ZMYND8: variants seen among roughly 807,000 people sequenced by gnomAD.
ZMYND8 encodes MYND-type zinc finger-containing chromatin reader ZMYND8.
Under a neutral mutation model 140.8 loss-of-function variants are expected in ZMYND8, and 37 were observed. The ratio of observed to expected loss-of-function variants is 0.26; its 90% confidence interval spans 0.20 to 0.35. ZMYND8 has a LOEUF of 0.35. ZMYND8 is among the 10% of genes least tolerant of loss of function. The probability of loss-of-function intolerance (pLI) is 1.00; values close to 1 mark genes in which losing one functional copy is unlikely to be tolerated. For synonymous variants in ZMYND8, 592 were observed against 597.1 expected (o/e 0.99, Z 0.12); for missense variants, 1,068 against 1,570.0 (o/e 0.68, Z 5.40).
chr20:47,317,033 A>G (rs1316953718), intron 2 of ZMYND8, among the ~76,000 whole-genome samples: 3 of 152,132 alleles, frequency 2.0e-5, no homozygotes, highest in Non-Finnish European at 4.4e-5. Context: ...TCTGTACCAC[A>G]TGGCCTTGTA....
Position 47,282,073 on chromosome 20 carries a change from C to A in ZMYND8, c.998+29G>T, listed in dbSNP as rs760288130. 4 of 1,580,246 alleles carry A rather than the reference C, an allele frequency of 2.5e-6. No homozygotes were observed. In the East Asian group the frequency reaches 9.0e-5, roughly 35 times the overall value. Reference sequence around the variant, plus strand: ...CAGTATCAAAGTTCAGTGAAAGCTACATGTTCCAAGCCTGTTATTAACTCC... The same window carrying A: ...CAGTATCAAAGTTCAGTGAAAGCTAAATGTTCCAAGCCTGTTATTAACTCC... On this transcript the variant is annotated intron_variant, in intron 10 of 22. Coordinates refer to ENST00000471951, the MANE Select transcript of ZMYND8 (RefSeq NM_001281775.3).
Position 47,351,647 on chromosome 20 carries a change from A to G in ZMYND8, c.15-3721T>C, listed in dbSNP as rs529443020. The G allele has an allele frequency of 2.2e-5, 22 of 983,492 alleles. No individual in the cohort carries two copies. In the East Asian group the frequency reaches 2.4e-3, roughly 107 times the overall value. 60.9% of individuals were successfully genotyped at this position (983,492 alleles called of 1,614,324 possible). Reference sequence around the variant, plus strand: ...ACCATGCTTCCCTAAATCTACAATTAATTTTTTAAGAAATTGGGGTGGGGG... The same window carrying G: ...ACCATGCTTCCCTAAATCTACAATTGATTTTTTAAGAAATTGGGGTGGGGG... On this transcript the variant is annotated intron_variant, in intron 1 of 22. Transcript: ENST00000471951.
chr20:47,258,985 G>A (rs898838858), intron 12 of ZMYND8, among the ~76,000 whole-genome samples: 12 of 151,638 alleles, frequency 7.9e-5, no homozygotes, highest in African/African-American at 1.5e-4. Flanking sequence ...AGAGGGCCTC[G>A]GTTCCCCTGG....
chr20:47,306,571 G>C (rs1175237163), intron 3 of ZMYND8, among the ~76,000 whole-genome samples: 4 of 140,070 alleles, frequency 2.9e-5, no homozygotes, highest in Admixed American at 2.8e-4. Context: ...TGGATTATTT[G>C]CCTTTTTTTT....
intron 3 of ZMYND8, among the ~76,000 whole-genome samples, chr20:47,303,230 T>C (rs1048544595): frequency 7.2e-5 from 11 of 152,208 alleles, no homozygotes; most frequent in South Asian, 4.1e-4. Flanking sequence ...GGAACTCCTG[T>C]TGAAAGATAA....
chr20:47,316,381 T>C (rs1182560669), intron 2 of ZMYND8, among the ~76,000 whole-genome samples: 1 of 150,974 alleles, frequency 6.6e-6, no homozygotes, highest in African/African-American at 2.4e-5. Context: ...TTCCCAAGCC[T>C]GTGATCCACC....
At chr20:47,239,204 T>C in intron 14 of ZMYND8, 66 bp from the exon 15 acceptor site, 4 of 1,459,904 alleles carry the variant, frequency 2.7e-6, no homozygotes, top group Non-Finnish European at 3.6e-6. Flanking sequence ...TGCACGGTCT[T>C]GACGCCACCA....
chr20:47,258,878 C>A lies in ZMYND8; in HGVS notation c.1621+3410G>T, dbSNP rs113012861. ...CCTCTTCCCGTTAGGTCATTGCAAT[C>A]CCAGCCCACAAAACGCCCACATTCC... On this transcript the variant is annotated intron_variant, in intron 12 of 22. Transcript: ENST00000471951. Among the ~76,000 whole-genome samples, 562 of 152,250 alleles carry A rather than the reference C, an allele frequency of 3.7e-3. 1 individual carries two copies. The highest frequency in any genetic ancestry group is 8.8e-3 in the Admixed American group (134 of 15,286).
chr20:47,346,142 A>G (rs1412104895), intron 2 of ZMYND8, among the ~76,000 whole-genome samples: 1 of 152,132 alleles, frequency 6.6e-6, no homozygotes, highest in African/African-American at 2.4e-5. Flanking sequence ...GGGGAAGGTA[A>G]GCAGCAGAAC....
intron 2 of ZMYND8, among the ~76,000 whole-genome samples, chr20:47,343,300 A>C (rs2082060457): frequency 6.6e-6 from 1 of 152,112 alleles, no homozygotes; most frequent in Admixed American, 6.5e-5. Context: ...CAAATAAATA[A>C]ACCCCACAAC....
At chr20:47,285,268 T>C (rs1601595152) in intron 8 of ZMYND8, among the ~76,000 whole-genome samples, 1 of 152,358 alleles carries the variant, frequency 6.6e-6, no homozygotes, top group East Asian at 1.9e-4. Flanking sequence ...TCTTTAACTC[T>C]TATCATGCAA....
rs183584584 is a variant in ZMYND8 at position 47,296,091 on chromosome 20, G to A, written c.454-1312C>T. Among the ~76,000 whole-genome samples the A allele has an allele frequency of 2.6e-4, 40 of 152,184 alleles. 1 individual carries two copies. Among genetic ancestry groups the A allele is most frequent in the Admixed American group, 2.1e-3 (32 of 15,278 alleles). On this transcript the variant is annotated intron_variant, in intron 4 of 22. Coordinates refer to ENST00000471951, the MANE Select transcript of ZMYND8 (RefSeq NM_001281775.3). ...TGCTTAGCTACCACAGCCTTGCAACGTTCAGTCTTCCCAGTTGACTGCCGT... is the reference window on the plus strand; with the variant it reads ...TGCTTAGCTACCACAGCCTTGCAACATTCAGTCTTCCCAGTTGACTGCCGT...
chr20:47,239,942 A>C (rs2039734971), intron 14 of ZMYND8, among the ~76,000 whole-genome samples: 1 of 152,202 alleles, frequency 6.6e-6, no homozygotes, highest in African/African-American at 2.4e-5. Context: ...AAATTTTTTT[A>C]CTAAAAAAAT....
intron 4 of ZMYND8, among the ~76,000 whole-genome samples, chr20:47,295,504 G>T (rs531123388): frequency 6.6e-6 from 1 of 152,116 alleles, no homozygotes; most frequent in Non-Finnish European, 1.5e-5. Context: ...TAAGGTTCTG[G>T]GCTGTCATTC....
chr20:47,283,796 C>T, intron 8 of ZMYND8, 148 bp from the exon 9 acceptor site: 1 of 738,206 alleles, frequency 1.4e-6, no homozygotes, highest in African/African-American at 1.8e-5. Flanking sequence ...CTATGTATCG[C>T]TCCCAATGCT....
At chr20:47,355,364 G>T in intron 1 of ZMYND8, 1 of 854,664 alleles carries the variant, frequency 1.2e-6, no homozygotes, top group Non-Finnish European at 1.4e-6. Context: ...AACTCCTGTA[G>T]CCAAGACCCA....
intron 1 of ZMYND8, chr20:47,355,397 G>A: frequency 1.0e-6 from 1 of 976,084 alleles, no homozygotes; most frequent in Non-Finnish European, 1.2e-6. Context: ...GACCCCAAAT[G>A]TTCGCAAAAC....
intron 3 of ZMYND8, among the ~76,000 whole-genome samples, chr20:47,305,412 T>C (rs1262772907): frequency 6.6e-6 from 1 of 152,014 alleles, no homozygotes. Flanking sequence ...GGCTAATTTT[T>C]CTATTTTTAG....
intron 19 of ZMYND8, 24 bp downstream of exon 19, chr20:47,224,293 G>C: frequency 6.2e-7 from 1 of 1,612,892 alleles, no homozygotes; most frequent in African/African-American, 1.3e-5. Context: ...GCCCAGGACG[G>C]GAGGCAGCCC....
Sources: allele counts gnomAD v4.1 joint callset (sites outside exome capture counted in the v4.1 genomes callset), GRCh38; gene constraint gnomAD v4.1.1; transcripts MANE v1.5; gene names NCBI Gene and HGNC (gene_info 2026-07-23, HGNC 2026-07-21).